The following PEAR1 variants were observed in gnomAD, a reference collection of about 807,000 sequenced individuals.
PEAR1 encodes multiple EGF-like domains protein 12.
In PEAR1, 113 loss-of-function variants were observed where a neutral mutation model predicts 131.2. The ratio of observed to expected loss-of-function variants is 0.86; its 90% confidence interval spans 0.74 to 1.01. The LOEUF (loss-of-function observed/expected upper bound fraction) is 1.01, where lower values mean the gene tolerates loss of function less well. Ranked by LOEUF, PEAR1 falls within the 50% of genes least tolerant of loss-of-function variation. The probability of loss-of-function intolerance (pLI) is 0.00; values close to 1 mark genes in which losing one functional copy is unlikely to be tolerated. For synonymous variants in PEAR1, 565 were observed against 523.3 expected (o/e 1.08, Z -1.09); for missense variants, 1,408 against 1,391.1 (o/e 1.01, Z -0.19).
chr1:156,910,688 C>T lies in PEAR1; in HGVS notation c.1896C>T (p.Pro632=). Residue 632 remains proline, a synonymous_variant, in exon 15 of 23, where the codon CCC becomes CCT. Transcript: ENST00000292357. ...GCGCTAACCACTCCTTCTGCCACCCCTCGAACGGGACCTGCTACTGCCTGG... is the reference window on the plus strand; with the variant it reads ...GCGCTAACCACTCCTTCTGCCACCCTTCGAACGGGACCTGCTACTGCCTGG... ...CKCANHSFCH[P]SNGTCYCLAG... is the part of the protein sequence containing the mutation. 5 of 1,614,064 alleles carry T rather than the reference C, an allele frequency of 3.1e-6. No homozygotes were observed. Among genetic ancestry groups the T allele is most frequent in the South Asian group, 2.2e-5 (2 of 91,072 alleles).
rs974968416 is a variant in PEAR1 at position 156,913,198 on chromosome 1, C to T, written c.2427C>T (p.Val809=). 1 of 1,613,438 alleles carries T rather than the reference C, an allele frequency of 6.2e-7. No homozygotes were observed. Among genetic ancestry groups the T allele is most frequent in the Non-Finnish European group, 8.5e-7 (1 of 1,179,662 alleles). Reference sequence around the variant, plus strand: ...GTGCTTGTGTCTGTCATGCAGATGTCCCTCCGAGCTACAGTCACTACTACT... The same window carrying T: ...GTGCTTGTGTCTGTCATGCAGATGTTCCTCCGAGCTACAGTCACTACTACT... ...LDGSEYVMPD[V]PPSYSHYYSN... is the part of the protein sequence containing the mutation. The change falls in exon 19 of 23, where the codon GTC becomes GTT. Residue 809 remains valine, a synonymous_variant. Transcript: ENST00000292357.
intron 1 of PEAR1, among the ~76,000 whole-genome samples, chr1:156,897,536 G>A (rs1277093101): frequency 6.6e-6 from 1 of 152,226 alleles, no homozygotes; most frequent in African/African-American, 2.4e-5. Flanking sequence ...GCTGGGGTTT[G>A]GGGAGGTGTG....
chr1:156,907,686 T>C lies in PEAR1; in HGVS notation c.721T>C (p.Phe241Leu). 1 of 1,613,928 alleles carries C rather than the reference T, an allele frequency of 6.2e-7. No homozygotes were observed. Among genetic ancestry groups the C allele is most frequent in the Non-Finnish European group, 8.5e-7 (1 of 1,179,902 alleles). Reference protein sequence around the residue: ...STHSCQNGGVFQTPQGSCSCP... With the variant: ...STHSCQNGGVLQTPQGSCSCP... ...CCATTCTTGCCAAAATGGAGGTGTC[T>C]TCCAAACCCCACAGGGCTCCTGCAG... The change falls in exon 7 of 23, where the codon TTC becomes CTC. Residue 241 changes from phenylalanine (F) to leucine (L), a missense_variant. Transcript: ENST00000292357.
In PEAR1 at chr1:156,914,750, T is replaced by G; in HGVS notation, c.3066T>G (p.Pro1022=). The change falls in exon 23 of 23, where the codon CCT becomes CCG. Residue 1022 remains proline (P), a synonymous_variant. Transcript: ENST00000292357. ...NSHIPGHYDL[P]PVRHPPSPPL... is the part of the protein sequence containing the mutation. ...ACATCCCTGGACATTATGACTTGCC[T>G]CCAGTACGGCATCCCCCATCACCTC... 6.2e-7 allele frequency: 1 copy of G among 1,613,896 alleles called. No homozygotes were observed.
At position 156,906,965 on chromosome 1, in the gene PEAR1, C is replaced by A. The variant is rs946284027; in HGVS notation, c.644+85C>A. 17 of 1,498,504 alleles carry A rather than the reference C, an allele frequency of 1.1e-5. No individual in the cohort carries two copies. In the East Asian group the frequency reaches 3.9e-4, roughly 35 times the overall value. 92.8% of individuals were successfully genotyped at this position (1,498,504 alleles called of 1,614,324 possible). On this transcript the variant is annotated intron_variant, in intron 6 of 22. Transcript: ENST00000292357. ...ATGTGGGGAAATGAGGTGACTCAGACAGGGCCCCAAGTGTGGGGATGATGT... is the reference window on the plus strand; with the variant it reads ...ATGTGGGGAAATGAGGTGACTCAGAAAGGGCCCCAAGTGTGGGGATGATGT...
At chr1:156,907,487 C>A (rs760538823) in intron 6 of PEAR1, 123 bp from the exon 7 acceptor site, 161 of 1,449,654 alleles carry the variant, frequency 1.1e-4, no homozygotes, top group Admixed American at 3.0e-4. Context: ...CAGTCCCCAG[C>A]AGGAAAGAGC....
intron 19 of PEAR1, 36 bp downstream of exon 19, chr1:156,913,318 A>G: frequency 6.3e-7 from 1 of 1,597,266 alleles, no homozygotes; most frequent in African/African-American, 1.4e-5. Flanking sequence ...TGTGGAGGGA[A>G]GCGCACAGAC....
At position 156,894,401 on chromosome 1, in the gene PEAR1, C is replaced by T. The variant is rs117815664; in HGVS notation, c.-10+564C>T. 5.5e-4 allele frequency among the ~76,000 whole-genome samples: 84 copies of T among 152,308 alleles called. 1 individual carries two copies. In the East Asian group the frequency reaches 0.013, roughly 24 times the overall value. On this transcript the variant is annotated intron_variant, in intron 1 of 22. Transcript: ENST00000292357. ...GGCTTAAGTGAGCAAAAACGTGTCT[C>T]CTGCTTTGAATGACGCTAGATAAAC...
Position 156,914,126 on chromosome 1 carries a change from G to T in PEAR1, c.2962+26G>T, listed in dbSNP as rs771925151. 83 of 1,549,114 alleles carry T rather than the reference G, an allele frequency of 5.4e-5. 2 individuals carry two copies. Among genetic ancestry groups the T allele is most frequent in the Admixed American group, 2.7e-4 (14 of 51,086 alleles). ...GTGAGCCCTCCCTCTCCACTGGCAG[G>T]AGCAGCAGAGAACTGGGACAAGGGA... On this transcript the variant is annotated intron_variant, in intron 22 of 22. Coordinates refer to ENST00000292357, the MANE Select transcript of PEAR1 (RefSeq NM_001080471.3).
rs1264677743 is a variant in PEAR1, at chr1:156,908,134, G to T, written c.909G>T (p.Arg303=). 1 of 1,598,086 alleles carries T rather than the reference G, an allele frequency of 6.3e-7. No homozygotes were observed. The change falls in exon 9 of 23, where the codon CGG becomes CGT. Residue 303 remains arginine (R), a synonymous_variant. Transcript: ENST00000292357. This position sits in a 1 kb window ranked among gnomAD's most constrained non-coding sequence, Gnocchi z 4.2. ...CACTCAGCTAGGTGCCCAGGTGCCG[G>T]GAGGAGTGCCCGGTGGGCCGCTTTG... The part of the protein sequence containing the change: ...CAPGYTGDRC[R]EECPVGRFGQ...
chr1:156,910,488 C>A, intron 14 of PEAR1, 108 bp downstream of exon 14: 3 of 1,544,728 alleles, frequency 1.9e-6, no homozygotes, highest in Non-Finnish European at 2.6e-6. Context: ...TCCCACCTTA[C>A]CCCCGGTCTC....
In PEAR1 at chr1:156,904,750, T is replaced by A; in HGVS notation, c.104T>A (p.Phe35Tyr). 6.2e-7 allele frequency: 1 copy of A among 1,610,524 alleles called. No homozygotes were observed. Among genetic ancestry groups the A allele is most frequent in the Non-Finnish European group, 8.5e-7 (1 of 1,178,618 alleles). Residue 35 changes from phenylalanine to tyrosine, a missense_variant and splice_region_variant, in exon 3 of 23, where the codon TTC becomes TAC. Coordinates refer to ENST00000292357, the MANE Select transcript of PEAR1 (RefSeq NM_001080471.3). ...DPNTCSFWES[F>Y]TTTTKESHSR... ...TGACCCTGTTCCCTGTCTTGCAGCT[T>A]CACTACCACCACCAAGGAGTCCCAC...
Position 156,913,499 on chromosome 1 carries a change from C to A in PEAR1, c.2620C>A (p.Pro874Thr). ...LPADWKHRRE[P>T]PPGPLDRGSS... ...TGCTGACTGGAAGCACCGCCGGGAG[C>A]CCCCTCCAGGGCCTCTGGACAGGGG... The change falls in exon 20 of 23, where the codon CCC becomes ACC. Residue 874 changes from proline (P) to threonine (T), a missense_variant. Physicochemically the swap from Pro to Thr is conservative, Grantham distance 38 (BLOSUM62 -1). Transcript: ENST00000292357. 6.2e-7 allele frequency: 1 copy of A among 1,612,878 alleles called. No homozygotes were observed. Among genetic ancestry groups the A allele is most frequent in the African/African-American group, 1.3e-5 (1 of 75,052 alleles).
In PEAR1 at chr1:156,907,699, A is replaced by C. The variant is rs1180642244; in HGVS notation, c.734A>C (p.Gln245Pro). The change falls in exon 7 of 23, where the codon CAG (glutamine) becomes CCG (proline). Residue 245 changes from glutamine to proline, a missense_variant. Coordinates refer to ENST00000292357, the MANE Select transcript of PEAR1 (RefSeq NM_001080471.3). ...CQNGGVFQTP[Q>P]GSCSCPPGWM... ...AATGGAGGTGTCTTCCAAACCCCACAGGGCTCCTGCAGCTGCCCCCCTGGC... is the reference window on the plus strand; with the variant it reads ...AATGGAGGTGTCTTCCAAACCCCACCGGGCTCCTGCAGCTGCCCCCCTGGC... 6.2e-7 allele frequency: 1 copy of C among 1,613,268 alleles called. No homozygotes were observed. Among genetic ancestry groups the C allele is most frequent in the Non-Finnish European group, 8.5e-7 (1 of 1,179,630 alleles).
rs374454574 is a variant in PEAR1, at chr1:156,910,036, C to T, written c.1606C>T (p.Arg536Cys). 10 of 1,613,858 alleles carry T rather than the reference C, an allele frequency of 6.2e-6. No homozygotes were observed. Among genetic ancestry groups the T allele is most frequent in the Middle Eastern group, 1.6e-4 (1 of 6,084 alleles). The change falls in exon 13 of 23, where the codon CGC (arginine) becomes TGC (cysteine). Residue 536 changes from arginine (R) to cysteine (C), a missense_variant. By Grantham distance (180) the Arg-to-Cys change is radical. Coordinates refer to ENST00000292357, the MANE Select transcript of PEAR1 (RefSeq NM_001080471.3). ...GCAGTTTGGAGAAGGTTGTGCCAGT[C>T]GCTGTGACTGTGACCACTCTGATGG... is the stretch of plus-strand genomic sequence containing the variant. ...KGQFGEGCAS[R>C]CDCDHSDGCD...
intron 15 of PEAR1, among the ~76,000 whole-genome samples, chr1:156,911,187 CT>C: frequency 1.2e-5 from 1 of 86,754 alleles, no homozygotes; most frequent in Non-Finnish European, 2.3e-5. Flanking sequence ...TTTCTTTCTT[CT>C]TTCTTTCTTT....
rs1257262177 is a variant in PEAR1, at chr1:156,908,773, C to T, written c.1234C>T (p.His412Tyr). 1 of 1,599,426 alleles carries T rather than the reference C, an allele frequency of 6.3e-7. No individual in the cohort carries two copies. Among genetic ancestry groups the T allele is most frequent in the Non-Finnish European group, 8.5e-7 (1 of 1,175,692 alleles). ...GTGCCAGGAGCACTGTCTCTGCCTG[C>T]ACGGTGGCGTCTGCCAGGCTACCAG... The part of the protein sequence containing the change: ...PGCQEHCLCL[H>Y]GGVCQATSGL... Residue 412 changes from histidine (H) to tyrosine (Y), a missense_variant, in exon 10 of 23, where the codon CAC (histidine) becomes TAC (tyrosine). Physicochemically the swap from His to Tyr is moderately conservative, Grantham distance 83. Coordinates refer to ENST00000292357, the MANE Select transcript of PEAR1 (RefSeq NM_001080471.3). This position sits in a 1 kb window ranked among gnomAD's most constrained non-coding sequence, Gnocchi z 4.2.
At position 156,913,206 on chromosome 1, in the gene PEAR1, G is replaced by T. The variant is rs1265191615; in HGVS notation, c.2435G>T (p.Ser812Ile). ...SEYVMPDVPP[S>I]YSHYYSNPSY... ...GTCTGTCATGCAGATGTCCCTCCGA[G>T]CTACAGTCACTACTACTCCAACCCC... Residue 812 changes from serine (S) to isoleucine (I), a missense_variant, in exon 19 of 23, where the codon AGC (serine) becomes ATC (isoleucine). Coordinates refer to ENST00000292357, the MANE Select transcript of PEAR1 (RefSeq NM_001080471.3). 3.1e-6 allele frequency: 5 copies of T among 1,613,518 alleles called. No homozygotes were observed. Among genetic ancestry groups the T allele is most frequent in the Non-Finnish European group, 4.2e-6 (5 of 1,179,806 alleles).
rs771827943 is a variant in PEAR1, at chr1:156,912,783, C to T, written c.2223C>T (p.Pro741=). 5 of 1,614,162 alleles carry T rather than the reference C, an allele frequency of 3.1e-6. No homozygotes were observed. In the South Asian group the frequency reaches 4.4e-5, roughly 14 times the overall value. ...GAPCRIGIQE[P]FTVMPTTPVA... ...CATTCCACACAGGAATCCAGGAGCC[C>T]TTTACTGTGATGCCGACCACTCCAG... Residue 741 remains proline, a synonymous_variant, in exon 18 of 23, where the codon CCC becomes CCT. Coordinates refer to ENST00000292357, the MANE Select transcript of PEAR1 (RefSeq NM_001080471.3).
Sources: allele counts gnomAD v4.1 joint callset (sites outside exome capture counted in the v4.1 genomes callset), GRCh38; gene constraint gnomAD v4.1.1; non-coding constraint Gnocchi (gnomAD v3.1); transcripts MANE v1.5; gene names NCBI Gene and HGNC (gene_info 2026-07-23, HGNC 2026-07-21).